Variants in DENND2B observed in about 807,000 individuals in gnomAD.
DENND2B encodes the protein DENN domain-containing protein 2B.
Under a neutral mutation model 116.0 loss-of-function variants are expected in DENND2B, and 32 were observed. The observed-to-expected ratio is 0.28, with a 90% CI of 0.21 to 0.37. DENND2B has a LOEUF of 0.37. Ranked by LOEUF, DENND2B falls within the 10% of genes least tolerant of loss-of-function variation. DENND2B has a pLI of 1.00. For missense variants in DENND2B, 1,276 were observed against 1,477.7 expected, an observed-to-expected ratio of 0.86 and a Z score of 2.24; for synonymous variants, 588 against 583.9, an observed-to-expected ratio of 1.01 and a Z score of -0.10.
chr11:8,822,642 C>T (rs1218914657), intron 4 of DENND2B, among the ~76,000 whole-genome samples: 15 of 152,224 alleles, frequency 9.9e-5, no homozygotes, highest in Admixed American at 9.2e-4. Context: ...GTGGACTGTA[C>T]CATCCCCATG....
intron 1 of DENND2B, among the ~76,000 whole-genome samples, chr11:8,773,754 TC>T (rs1160130627): frequency 6.6e-6 from 1 of 151,832 alleles, no homozygotes; most frequent in Non-Finnish European, 1.5e-5. Flanking sequence ...CCAAATCTGT[TC>T]CCCACCCCCA....
intron 4 of DENND2B, among the ~76,000 whole-genome samples, chr11:8,835,321 G>C (rs757327863): frequency 6.6e-6 from 1 of 152,214 alleles, no homozygotes; most frequent in Non-Finnish European, 1.5e-5. Context: ...TTAAAAGATG[G>C]ATATCTGGGG....
In DENND2B at chr11:8,835,137, G is replaced by A. The variant is rs559846547; in HGVS notation, c.-115+4173C>T. Among the ~76,000 whole-genome samples, 430 of 152,218 alleles carry A rather than the reference G, an allele frequency of 2.8e-3. 4 individuals carry two copies. The highest frequency in any genetic ancestry group is 9.9e-3 in the African/African-American group (412 of 41,526). ...TGTGTGCCTGTGGTCCCAGCTACTC[G>A]GGAGGCTGAAGTGGGAGAATTGCTT... is the stretch of plus-strand genomic sequence containing the variant. On this transcript the variant is annotated intron_variant, in intron 4 of 6. Coordinates refer to the DENND2B transcript ENST00000524757.
chr11:8,898,087 T>C (rs964991506), intron 1 of DENND2B, among the ~76,000 whole-genome samples: 3 of 152,186 alleles, frequency 2.0e-5, no homozygotes, highest in South Asian at 2.1e-4. Context: ...GACTGAACTT[T>C]AAAGGTGTTC....
intron 1 of DENND2B, among the ~76,000 whole-genome samples, chr11:8,770,225 C>T (rs1349293377): frequency 6.6e-6 from 1 of 152,162 alleles, no homozygotes; most frequent in Non-Finnish European, 1.5e-5. Context: ...AACACTTTCA[C>T]GTATTATCTC....
rs545580111 is a variant in DENND2B at position 8,761,186 on chromosome 11, C to G, written c.-25-10461G>C. On this transcript the variant is annotated intron_variant, in intron 1 of 19. Transcript: ENST00000313726. ...TGAATTGGAGTGAGGTCTTGTTAGG[C>G]AATTTCAGGCCAAAGGAAATCTAGT... 6.6e-5 allele frequency among the ~76,000 whole-genome samples: 10 copies of G among 152,314 alleles called. No homozygotes were observed. In the South Asian group the frequency reaches 1.9e-3, roughly 28 times the overall value.
chr11:8,907,407 A>AAAAAGGAT (rs1325481008), intron 1 of DENND2B, among the ~76,000 whole-genome samples: 2 of 152,200 alleles, frequency 1.3e-5, no homozygotes, highest in African/African-American at 4.8e-5. Context: ...AGCCAATCTT[A>AAAAAGGAT]AAAAAGATAA....
chr11:8,785,245 G>C (rs1464030824), intron 1 of DENND2B: 2 of 152,118 alleles, frequency 1.3e-5, no homozygotes, highest in Non-Finnish European at 2.9e-5. Flanking sequence ...TCCTGAATTT[G>C]CCGTGTCAAT....
At chr11:8,753,531 C>T (rs1264804077) in intron 1 of DENND2B, among the ~76,000 whole-genome samples, 1 of 152,108 alleles carries the variant, frequency 6.6e-6, no homozygotes, top group Non-Finnish European at 1.5e-5. Flanking sequence ...AAAATGCCAG[C>T]TAGCTTCTTT....
chr11:8,778,417 T>G (rs1215544253), intron 1 of DENND2B, among the ~76,000 whole-genome samples: 1 of 152,168 alleles, frequency 6.6e-6, no homozygotes. Flanking sequence ...CCCGTCCACA[T>G]CCACCCTCCC....
chr11:8,777,856 A>G (rs1267322631), intron 1 of DENND2B, among the ~76,000 whole-genome samples: 1 of 152,156 alleles, frequency 6.6e-6, no homozygotes, highest in African/African-American at 2.4e-5. Context: ...CCTGTAATCT[A>G]CCTGAACCTC....
At chr11:8,786,792 G>A (rs1428053222) in intron 1 of DENND2B, among the ~76,000 whole-genome samples, 1 of 152,106 alleles carries the variant, frequency 6.6e-6, no homozygotes, top group African/African-American at 2.4e-5. Context: ...ACTCCAGCCT[G>A]GGCGACAGAC....
At chr11:8,697,118 C>A (rs1398296465) in intron 17 of DENND2B, among the ~76,000 whole-genome samples, 1 of 152,176 alleles carries the variant, frequency 6.6e-6, no homozygotes, top group Admixed American at 6.5e-5. Flanking sequence ...CTACGAGCTG[C>A]AGAAGGCCAG....
At position 8,841,418 on chromosome 11, in the gene DENND2B, C is replaced by G. The variant is rs1050484687; in HGVS notation, c.-155-2068G>C. ...CTCTGGGAGACCAAGCTTGGAGGAT[C>G]GCTTGAGCTCAGGAGTTCGAGACCA... On this transcript the variant is annotated intron_variant, in intron 3 of 6. Transcript: ENST00000524757. Among the ~76,000 whole-genome samples, 50 of 152,110 alleles carry G rather than the reference C, an allele frequency of 3.3e-4. 2 individuals carry two copies. Among genetic ancestry groups the G allele is most frequent in the Non-Finnish European group, 2.9e-5 (2 of 68,034 alleles).
At position 8,707,384 on chromosome 11, in the gene DENND2B, G is replaced by A. The variant is rs950306997; in HGVS notation, c.2431-159C>T. ...ATGATCTGCACACTCTACCCTTCCCGTTTTCCTTGGCACTCAGTGACTCCT... is the reference window on the plus strand; with the variant it reads ...ATGATCTGCACACTCTACCCTTCCCATTTTCCTTGGCACTCAGTGACTCCT... On this transcript the variant is annotated intron_variant, in intron 12 of 19. Coordinates refer to ENST00000313726, the MANE Select transcript of DENND2B (RefSeq NM_213618.2). This position sits in a 1 kb window ranked among gnomAD's most constrained non-coding sequence, Gnocchi z 4.8. 18 of 958,284 alleles carry A rather than the reference G, an allele frequency of 1.9e-5. No homozygotes were observed. The highest frequency in any genetic ancestry group is 6.7e-4 in the Middle Eastern group (2 of 2,996). 59.4% of individuals were successfully genotyped at this position (958,284 alleles called of 1,614,324 possible).
chr11:8,725,881 G>A (rs2047007271), intron 4 of DENND2B, among the ~76,000 whole-genome samples, 192 bp downstream of exon 4: 1 of 152,178 alleles, frequency 6.6e-6, no homozygotes, highest in South Asian at 2.1e-4. Flanking sequence ...TCATTCAAGA[G>A]CCAGGCTTTT....
intron 2 of DENND2B, among the ~76,000 whole-genome samples, chr11:8,862,516 G>A (rs2063431237): frequency 1.3e-5 from 2 of 151,592 alleles, no homozygotes; most frequent in Admixed American, 6.6e-5. Flanking sequence ...TCTAATTTTT[G>A]TAGAGATAGG....
chr11:8,797,860 C>T (rs368154118), intron 1 of DENND2B, among the ~76,000 whole-genome samples: 2 of 152,174 alleles, frequency 1.3e-5, no homozygotes, highest in African/African-American at 4.8e-5. Flanking sequence ...CCCGACACCC[C>T]CTTGCTCCCT....
intron 2 of DENND2B, among the ~76,000 whole-genome samples, chr11:8,733,030 C>A (rs987204653): frequency 1.3e-5 from 2 of 152,234 alleles, no homozygotes; most frequent in Admixed American, 1.3e-4. Flanking sequence ...GAAACCTCAA[C>A]ATGCTTAAGT....
Sources: allele counts gnomAD v4.1 joint callset (sites outside exome capture counted in the v4.1 genomes callset), GRCh38; gene constraint gnomAD v4.1.1; non-coding constraint Gnocchi (gnomAD v3.1); transcripts MANE v1.5; gene names NCBI Gene and HGNC (gene_info 2026-07-23, HGNC 2026-07-21).